Variants in DCTN2 observed in about 807,000 individuals in gnomAD.
DCTN2 encodes the protein dynactin subunit 2.
DCTN2 carries 18 observed loss-of-function variants against 55.4 expected under a neutral mutation model. That is an observed-to-expected ratio of 0.32 (90% confidence interval 0.22 to 0.48). The LOEUF is 0.48. Ranked by LOEUF, DCTN2 falls within the 20% of genes least tolerant of loss-of-function variation. DCTN2 has a pLI of 0.99. For synonymous variants in DCTN2, 168 were observed against 185.2 expected, an observed-to-expected ratio of 0.91 and a Z score of 0.76; for missense variants, 390 against 491.0, an observed-to-expected ratio of 0.79 and a Z score of 1.94.
In DCTN2 at chr12:57,540,069, C is replaced by T. The variant is rs977376447; in HGVS notation, c.106-4224G>A. 37 of 984,742 alleles carry T rather than the reference C, an allele frequency of 3.8e-5. No homozygotes were observed. In the African/African-American group the frequency reaches 6.3e-4, roughly 17 times the overall value. The allele number at this position is 984,742 out of a possible 1,614,324, so 61.0% of individuals were successfully genotyped here. On this transcript the variant is annotated intron_variant, in intron 2 of 13. Transcript: ENST00000548249. ...TGTCTCAAAAAAAAAAAAAAAATTC[C>T]TCTTTCAGCTCAGGGTAGAGGTGGC...
At chr12:57,542,937 A>T in intron 2 of DCTN2, 1 of 456,050 alleles carries the variant, frequency 2.2e-6, no homozygotes, top group South Asian at 1.5e-5. Flanking sequence ...CAGATTTTTC[A>T]CTACTTACCC....
In DCTN2 at chr12:57,530,613, G is replaced by C. The variant is rs536952636; in HGVS notation, c.*76C>G. On this transcript the variant is annotated 3_prime_UTR_variant, in exon 14 of 14. Transcript: ENST00000548249. ...ATGGGGATGCTAGAGTTATAGTAAAGGGGAAACCCTATGTAAGCTGTTAAC... is the reference window on the plus strand; with the variant it reads ...ATGGGGATGCTAGAGTTATAGTAAACGGGAAACCCTATGTAAGCTGTTAAC... The C allele has an allele frequency of 7.7e-7, 1 of 1,302,322 alleles. No individual in the cohort carries two copies. Among genetic ancestry groups the C allele is most frequent in the Non-Finnish European group, 1.1e-6 (1 of 915,576 alleles). 80.7% of individuals were successfully genotyped at this position (1,302,322 alleles called of 1,614,324 possible). A position where few individuals can be genotyped will look rare whatever the true frequency, so the allele number is the denominator to read the frequency against.
At position 57,530,636 on chromosome 12, in the gene DCTN2, A is replaced by C. The variant is rs1206249823; in HGVS notation, c.*53T>G. ...AAGGGGAAACCCTATGTAAGCTGTT[A>C]ACAGAGTTCACAGGGGTAGGGATAA... On this transcript the variant is annotated 3_prime_UTR_variant, in exon 14 of 14. Coordinates refer to ENST00000548249, the MANE Select transcript of DCTN2 (RefSeq NM_001261413.2). 6.8e-7 allele frequency: 1 copy of C among 1,477,588 alleles called. No homozygotes were observed. Among genetic ancestry groups the C allele is most frequent in the Non-Finnish European group, 9.4e-7 (1 of 1,061,604 alleles). The allele number at this position is 1,477,588 out of a possible 1,614,324, so 91.5% of individuals were successfully genotyped here. A position where few individuals can be genotyped will look rare whatever the true frequency, so the allele number is the denominator to read the frequency against.
rs371249543 is a variant in DCTN2 at position 57,533,059 on chromosome 12, A to T, written c.736-37T>A. On this transcript the variant is annotated intron_variant, in intron 8 of 13. Transcript: ENST00000548249. ...GGAAGGGAAGAAGTGAGTGGTCCTT[A>T]TATCTCCATGATTATCGTCTTCTCC... The T allele has an allele frequency of 3.2e-6, 5 of 1,579,850 alleles. No individual in the cohort carries two copies. In the African/African-American group the frequency reaches 5.4e-5, roughly 17 times the overall value.
At chr12:57,532,385 TC>T (rs1318349234) in intron 11 of DCTN2, 70 bp from the exon 12 acceptor site, 3 of 1,407,978 alleles carry the variant, frequency 2.1e-6, no homozygotes, top group Non-Finnish European at 2.9e-6. Flanking sequence ...GACTGCTATT[TC>T]ACCGTAATGG....
chr12:57,532,260 G>T lies in DCTN2; in HGVS notation c.980C>A (p.Pro327His). 1 of 1,562,860 alleles carries T rather than the reference G, an allele frequency of 6.4e-7. No individual in the cohort carries two copies. Among genetic ancestry groups the T allele is most frequent in the South Asian group, 1.2e-5 (1 of 84,714 alleles). ...QRWSPIASTLPELVQRLVTIK... is the reference protein window; with the variant it reads ...QRWSPIASTLHELVQRLVTIK... ...GGTGACAAGTCTCTGCACCAGCTCAGGGAGGGTGGAGGCAATGGGGCTCCA... is the reference window on the plus strand; with the variant it reads ...GGTGACAAGTCTCTGCACCAGCTCATGGAGGGTGGAGGCAATGGGGCTCCA... Residue 327 changes from proline to histidine, a missense_variant, in exon 12 of 14, where the codon CCT becomes CAT. By Grantham distance (77) the Pro-to-His change is moderately conservative. Transcript: ENST00000548249.
intron 2 of DCTN2, chr12:57,542,863 G>A (rs761520466): frequency 1.3e-5 from 6 of 455,938 alleles, no homozygotes; most frequent in South Asian, 9.3e-5. Context: ...GGTTCCACAA[G>A]AGTCTATCCA....
chr12:57,545,890 A>G, intron 2 of DCTN2, 138 bp downstream of exon 2: 1 of 762,252 alleles, frequency 1.3e-6, no homozygotes, highest in Non-Finnish European at 2.1e-6. Context: ...AGGTCTTTGC[A>G]AGCCCTGCAA....
chr12:57,544,694 A>AT (rs1392806763), intron 2 of DCTN2, among the ~76,000 whole-genome samples: 15 of 152,090 alleles, frequency 9.9e-5, no homozygotes, highest in African/African-American at 3.6e-4. Flanking sequence ...CACTGGGCCT[A>AT]TTTTTTATTT....
chr12:57,546,542 T>C (rs989992832), intron 1 of DCTN2, among the ~76,000 whole-genome samples: 2 of 151,652 alleles, frequency 1.3e-5, no homozygotes, highest in Non-Finnish European at 2.9e-5. Context: ...CACGCCAGGA[T>C]TGTCATGGGA....
chr12:57,535,053 T>C lies in DCTN2; in HGVS notation c.363+3A>G. 1 of 1,611,152 alleles carries C rather than the reference T, an allele frequency of 6.2e-7. No homozygotes were observed. The highest frequency in any genetic ancestry group is 8.5e-7 in the Non-Finnish European group (1 of 1,177,936). On this transcript the variant is annotated splice_donor_region_variant and intron_variant, in intron 5 of 13. Transcript: ENST00000548249. ...GAGAAGGGAGAAGAGAGTTTGTAGT[T>C]ACCTTGATTTTTTCAACTTCAGTTG...
chr12:57,546,159 C>A, intron 1 of DCTN2, 63 bp from the exon 2 acceptor site: 1 of 1,482,680 alleles, frequency 6.7e-7, no homozygotes. Flanking sequence ...CCCCTTCCCC[C>A]ACTCCATTTG....
chr12:57,545,994 G>A (rs746428368), intron 2 of DCTN2, 34 bp downstream of exon 2: 3 of 1,607,212 alleles, frequency 1.9e-6, no homozygotes, highest in African/African-American at 2.7e-5. Flanking sequence ...AAAGGTCAGA[G>A]TCCGGAGGAG....
intron 2 of DCTN2, among the ~76,000 whole-genome samples, chr12:57,536,987 AT>A (rs757375180): frequency 3.3e-3 from 473 of 142,086 alleles, no homozygotes; most frequent in Middle Eastern, 3.8e-3. Context: ...ATCACTTATA[AT>A]TTTTTTTTTT....
chr12:57,545,168 G>A (rs938033697), intron 2 of DCTN2, among the ~76,000 whole-genome samples: 1 of 152,156 alleles, frequency 6.6e-6, no homozygotes, highest in Admixed American at 6.5e-5. Context: ...TCTTTACTGA[G>A]AACTCACATC....
intron 4 of DCTN2, 81 bp downstream of exon 4, chr12:57,535,403 A>G: frequency 6.5e-7 from 1 of 1,537,820 alleles, no homozygotes; most frequent in Non-Finnish European, 9.0e-7. Context: ...TCCCGCCTGT[A>G]TCCCTTGATC....
At chr12:57,546,357 G>A (rs1449278919) in intron 1 of DCTN2, among the ~76,000 whole-genome samples, 5 of 152,050 alleles carry the variant, frequency 3.3e-5, no homozygotes, top group African/African-American at 1.2e-4. Flanking sequence ...ATCTAGAGGC[G>A]GGCAGGTCCT....
intron 1 of DCTN2, among the ~76,000 whole-genome samples, chr12:57,546,809 G>A (rs924112685): frequency 5.9e-5 from 9 of 152,380 alleles, no homozygotes; most frequent in Admixed American, 1.3e-4. Flanking sequence ...CGAGCTACCG[G>A]CGACTGCCGG....
intron 2 of DCTN2, chr12:57,543,110 G>A: frequency 2.3e-6 from 1 of 443,544 alleles, no homozygotes; most frequent in Non-Finnish European, 4.5e-6. Flanking sequence ...AGCACTTTGG[G>A]AGGCCAAGAC....
Sources: gnomAD v4.1 joint callset for allele counts (sites outside exome capture counted in the v4.1 genomes callset) on GRCh38, gnomAD v4.1.1 for gene constraint, MANE v1.5 for transcripts, NCBI Gene and HGNC (gene_info 2026-07-23, HGNC 2026-07-21) for gene names.